The following ATG5 variants were observed in gnomAD, a reference collection of about 807,000 sequenced individuals.
ATG5 encodes autophagy related 5, also known as autophagy protein 5.
Under a neutral mutation model 36.5 loss-of-function variants are expected in ATG5, and 14 were observed. That is an observed-to-expected ratio of 0.38 (90% CI 0.25 to 0.60). The LOEUF is 0.60. ATG5 is among the 20% of genes least tolerant of loss of function. The pLI is 0.60. For missense variants in ATG5, 195 were observed against 326.7 expected, an observed-to-expected ratio of 0.60 and a Z score of 3.11; for synonymous variants, 95 against 101.5, an observed-to-expected ratio of 0.94 and a Z score of 0.38.
At chr6:106,227,220 C>T (rs1412562833) in intron 6 of ATG5, among the ~76,000 whole-genome samples, 2 of 152,224 alleles carry the variant, frequency 1.3e-5, no homozygotes, top group South Asian at 2.1e-4. Flanking sequence ...TACAAAACAT[C>T]TTCAGATTAA....
chr6:106,291,710 CTACCCT>C, intron 4 of ATG5, among the ~76,000 whole-genome samples: 1 of 152,330 alleles, frequency 6.6e-6, no homozygotes, highest in Non-Finnish European at 1.5e-5. Flanking sequence ...TATAGCACCC[CTACCCT>C]TAATATGTTT....
intron 6 of ATG5, among the ~76,000 whole-genome samples, chr6:106,228,911 T>C (rs533207513): frequency 1.3e-5 from 2 of 152,358 alleles, no homozygotes; most frequent in Admixed American, 6.5e-5. Context: ...TCAATTTTCC[T>C]GGGGAAGCCA....
At chr6:106,324,450 A>G (rs909454775) in intron 1 of ATG5, among the ~76,000 whole-genome samples, 1 of 152,234 alleles carries the variant, frequency 6.6e-6, no homozygotes, top group African/African-American at 2.4e-5. Context: ...GCCGAGGGAC[A>G]GGAAAGACTG....
rs554962978 is a variant in ATG5 at position 106,265,372 on chromosome 6, G to A, written c.478+14289C>T. 5.3e-5 allele frequency among the ~76,000 whole-genome samples: 8 copies of A among 152,152 alleles called. No homozygotes were observed. In the South Asian group the frequency reaches 1.2e-3, roughly 24 times the overall value. On this transcript the variant is annotated intron_variant, in intron 5 of 7. Transcript: ENST00000369076. ...ATAAAACAAGTTCTTCAAGATCTAC[G>A]AAGAGACTTGAACTCCCACACAATA...
At chr6:106,311,124 A>C (rs1770629043) in intron 2 of ATG5, among the ~76,000 whole-genome samples, 1 of 152,216 alleles carries the variant, frequency 6.6e-6, no homozygotes, top group South Asian at 2.1e-4. Context: ...AAAATTAGAG[A>C]CCTTTCTAGG....
intron 5 of ATG5, among the ~76,000 whole-genome samples, chr6:106,255,873 T>C (rs1261260992): frequency 1.3e-5 from 2 of 152,318 alleles, no homozygotes; most frequent in Admixed American, 1.3e-4. Context: ...TATCTAAATG[T>C]ATTCCTGTTA....
At chr6:106,191,401 T>C (rs925761943) in intron 7 of ATG5, among the ~76,000 whole-genome samples, 8 of 152,086 alleles carry the variant, frequency 5.3e-5, no homozygotes, top group Admixed American at 5.2e-4. Context: ...GTGGGTCAGT[T>C]TGCAAACTGG....
intron 6 of ATG5, among the ~76,000 whole-genome samples, chr6:106,215,172 T>C (rs913543982): frequency 6.6e-6 from 1 of 152,206 alleles, no homozygotes; most frequent in Non-Finnish European, 1.5e-5. Context: ...TAAGAAACAC[T>C]TTTAATTAGT....
chr6:106,307,300 T>C (rs1009553348), intron 3 of ATG5, among the ~76,000 whole-genome samples: 3 of 152,238 alleles, frequency 2.0e-5, no homozygotes, highest in African/African-American at 7.2e-5. Flanking sequence ...ATGTTTCATT[T>C]AAATCTGTCT....
chr6:106,201,539 G>A (rs1562207543), intron 7 of ATG5, among the ~76,000 whole-genome samples: 1 of 152,070 alleles, frequency 6.6e-6, no homozygotes, highest in Non-Finnish European at 1.5e-5. Flanking sequence ...AAGGTTAACT[G>A]AAAAAGTAGA....
At chr6:106,239,006 T>G (rs1481193811) in intron 6 of ATG5, among the ~76,000 whole-genome samples, 2 of 152,156 alleles carry the variant, frequency 1.3e-5, no homozygotes, top group African/African-American at 4.8e-5. Context: ...AGGAAATCAC[T>G]TAGATCTGAT....
chr6:106,217,108 A>G (rs996304897), intron 6 of ATG5, among the ~76,000 whole-genome samples: 1 of 152,162 alleles, frequency 6.6e-6, no homozygotes, highest in Non-Finnish European at 1.5e-5. Flanking sequence ...TATATTTCAT[A>G]AAAACAAATT....
chr6:106,297,753 CACACACACACACAT>C lies in ATG5; in HGVS notation c.237-4661_237-4648del, dbSNP rs768389884. Among the ~76,000 whole-genome samples, 409 of 130,002 alleles carry C rather than the reference CACACACACACACAT, an allele frequency of 3.1e-3. 7 individuals are homozygous for C. Among genetic ancestry groups the C allele is most frequent in the Middle Eastern group, 0.016 (4 of 250 alleles). The allele number at this position is 130,002 out of a possible 152,430, so 85.3% of individuals were successfully genotyped here. On this transcript the variant is annotated intron_variant, in intron 3 of 7. Transcript: ENST00000369076. Reference sequence around the variant, plus strand: ...ACACACACACACACACACACACACACACACACACACACATATATATTTTAAAGTTCATTGGGGCT... The same window carrying C: ...ACACACACACACACACACACACACACATATATTTTAAAGTTCATTGGGGCT...
intron 6 of ATG5, among the ~76,000 whole-genome samples, chr6:106,227,030 A>G (rs1451230211): frequency 2.0e-5 from 3 of 152,146 alleles, no homozygotes; most frequent in South Asian, 2.1e-4. Context: ...AAAAAGGGTC[A>G]GAGTATCTGA....
At chr6:106,283,924 T>C (rs755454894) in intron 4 of ATG5, among the ~76,000 whole-genome samples, 9 of 152,374 alleles carry the variant, frequency 5.9e-5, no homozygotes, top group Middle Eastern at 3.4e-3. Context: ...TTAATATAAA[T>C]GCATTATATA....
intron 6 of ATG5, among the ~76,000 whole-genome samples, chr6:106,210,625 G>C (rs1776818238): frequency 6.6e-6 from 1 of 152,154 alleles, no homozygotes; most frequent in Non-Finnish European, 1.5e-5. Context: ...ACATATTCTA[G>C]CTCTGGATGG....
chr6:106,230,689 C>A (rs550121938), intron 6 of ATG5, among the ~76,000 whole-genome samples: 1 of 152,176 alleles, frequency 6.6e-6, no homozygotes, highest in South Asian at 2.1e-4. Context: ...GGCAAAAACA[C>A]CCCTAAGATG....
chr6:106,209,318 A>G (rs1238125413), intron 6 of ATG5, among the ~76,000 whole-genome samples: 4 of 152,224 alleles, frequency 2.6e-5, no homozygotes, highest in Non-Finnish European at 1.5e-5. Context: ...TGACTGTAAT[A>G]GGTCTGTCCC....
At chr6:106,238,328 T>C (rs929400131) in intron 6 of ATG5, among the ~76,000 whole-genome samples, 5 of 152,226 alleles carry the variant, frequency 3.3e-5, no homozygotes, top group African/African-American at 4.8e-5. Flanking sequence ...TATCCTAGCA[T>C]GCTACTGCCA....
Sources: allele counts gnomAD v4.1 joint callset (sites outside exome capture counted in the v4.1 genomes callset), GRCh38; gene constraint gnomAD v4.1.1; transcripts MANE v1.5; gene names NCBI Gene and HGNC (gene_info 2026-07-23, HGNC 2026-07-21).